COL14A1: variants seen among roughly 807,000 people sequenced by gnomAD.
The protein encoded by COL14A1 is collagen type XIV alpha 1 chain.
A neutral mutation model predicts 230.3 loss-of-function variants in COL14A1; 136 were observed. The ratio of observed to expected loss-of-function variants is 0.59; its 90% CI spans 0.51 to 0.68. COL14A1 has a LOEUF of 0.68. Ranked by LOEUF, COL14A1 falls within the 30% of genes least tolerant of loss-of-function variation. COL14A1 has a pLI of 0.00. For synonymous variants in COL14A1, 792 were observed against 784.1 expected (o/e 1.01, Z -0.17); for missense variants, 1,976 against 2,215.8 (o/e 0.89, Z 2.17).
chr8:120,293,840 T>A, intron 34 of COL14A1, among the ~76,000 whole-genome samples: 1 of 151,860 alleles, frequency 6.6e-6, no homozygotes, highest in East Asian at 1.9e-4. Flanking sequence ...ACCTTAAAAT[T>A]CTAATTAATA....
intron 2 of COL14A1, among the ~76,000 whole-genome samples, chr8:120,151,848 A>T (rs187384802): frequency 1.3e-5 from 2 of 152,164 alleles, no homozygotes; most frequent in Admixed American, 1.3e-4. Flanking sequence ...AACTGCAAAA[A>T]GTTTTAAATA....
In COL14A1 at chr8:120,289,618, T is replaced by C. The variant is rs201084747; in HGVS notation, c.4088T>C (p.Val1363Ala). ...FYGSFHKLHI[V>A]VSETLVKVVI... is the part of the protein sequence containing the mutation. Reference sequence around the variant, plus strand: ...CTTACTTTTACCTAGCTACACATTGTTGTCAGTGAGACTTTGGTCAAAGTG... The same window carrying C: ...CTTACTTTTACCTAGCTACACATTGCTGTCAGTGAGACTTTGGTCAAAGTG... The change falls in exon 34 of 48, where the codon GTT becomes GCT. Residue 1363 changes from valine (V) to alanine (A), a missense_variant. Transcript: ENST00000297848. The C allele has an allele frequency of 3.8e-5, 61 of 1,613,782 alleles. No homozygotes were observed. Among genetic ancestry groups the C allele is most frequent in the Non-Finnish European group, 4.0e-5 (47 of 1,179,908 alleles).
chr8:120,302,773 A>G (rs891550130), intron 36 of COL14A1, among the ~76,000 whole-genome samples: 1 of 152,138 alleles, frequency 6.6e-6, no homozygotes, highest in Non-Finnish European at 1.5e-5. Context: ...CTAGTTCTGT[A>G]AAGAATGTTA....
At chr8:120,242,327 T>C (rs1028629015) in intron 19 of COL14A1, among the ~76,000 whole-genome samples, 4 of 152,238 alleles carry the variant, frequency 2.6e-5, no homozygotes, top group Admixed American at 2.6e-4. Context: ...TCACAGCAAC[T>C]ATTCCTGGCA....
chr8:120,340,564 A>T (rs1344757673), intron 42 of COL14A1, among the ~76,000 whole-genome samples: 1 of 152,222 alleles, frequency 6.6e-6, no homozygotes, highest in Non-Finnish European at 1.5e-5. Context: ...TTCAATGAAC[A>T]TTGCCTCAGA....
At chr8:120,370,564 T>C in intron 47 of COL14A1, 2 of 1,460,498 alleles carry the variant, frequency 1.4e-6, no homozygotes, top group Non-Finnish European at 1.8e-6. Flanking sequence ...AGTGATAACA[T>C]CGGAACTTAA....
At chr8:120,201,856 C>T (rs945120989) in intron 8 of COL14A1, among the ~76,000 whole-genome samples, 1 of 152,152 alleles carries the variant, frequency 6.6e-6, no homozygotes, top group African/African-American at 2.4e-5. Context: ...ACCATTTCCT[C>T]TCTTTTCTGT....
intron 1 of COL14A1, among the ~76,000 whole-genome samples, chr8:120,141,391 A>T (rs945467711): frequency 7.2e-5 from 11 of 152,008 alleles, no homozygotes; most frequent in African/African-American, 1.2e-4. Context: ...AAAAATTTTT[A>T]AAAAATCAGC....
At chr8:120,247,872 T>G in intron 21 of COL14A1, 137 bp downstream of exon 21, 2 of 1,087,110 alleles carry the variant, frequency 1.8e-6, no homozygotes, top group Non-Finnish European at 2.6e-6. Flanking sequence ...TTACTTGTTT[T>G]GGAAAAATAA....
intron 25 of COL14A1, among the ~76,000 whole-genome samples, chr8:120,269,283 G>T (rs144278139): frequency 6.6e-6 from 1 of 151,794 alleles, no homozygotes; most frequent in Non-Finnish European, 1.5e-5. Context: ...AATAGCACAT[G>T]ATACCAAAAA....
intron 5 of COL14A1, among the ~76,000 whole-genome samples, chr8:120,185,343 C>G (rs1355228665): frequency 6.6e-6 from 1 of 152,032 alleles, no homozygotes; most frequent in Non-Finnish European, 1.5e-5. Flanking sequence ...ACATATTGGA[C>G]AAAACATTTA....
chr8:120,273,723 C>T (rs1199221577), intron 26 of COL14A1, among the ~76,000 whole-genome samples: 1 of 151,352 alleles, frequency 6.6e-6, no homozygotes, highest in Non-Finnish European at 1.5e-5. Context: ...AACAACAACC[C>T]CCCTAGATTA....
intron 36 of COL14A1, among the ~76,000 whole-genome samples, chr8:120,306,366 AG>A (rs1207529291): frequency 2.0e-5 from 3 of 152,214 alleles, no homozygotes; most frequent in African/African-American, 7.2e-5. Flanking sequence ...TGGAGGGGGA[AG>A]AAAGATGTAA....
chr8:120,166,261 A>G (rs1428289496), intron 4 of COL14A1, among the ~76,000 whole-genome samples: 2 of 152,188 alleles, frequency 1.3e-5, no homozygotes, highest in Non-Finnish European at 2.9e-5. Context: ...ACATTTAGGA[A>G]CTAGTGCTTT....
In COL14A1 at chr8:120,266,694, G is replaced by A. The variant is rs546294050; in HGVS notation, c.3017-133G>A. 2.0e-4 allele frequency: 151 copies of A among 738,100 alleles called. 1 individual carries two copies. The highest frequency in any genetic ancestry group is 9.8e-4 in the Middle Eastern group (4 of 4,074). The allele number at this position is 738,100 out of a possible 1,614,324, so 45.7% of individuals were successfully genotyped here. ...TTTCACAGGCTGCGGCTGATTTATA[G>A]TACTCATTAAATTCTCAGAGAAGAC... On this transcript the variant is annotated intron_variant, in intron 24 of 47. Coordinates refer to ENST00000297848, the MANE Select transcript of COL14A1 (RefSeq NM_021110.4).
At chr8:120,261,058 TAAC>T (rs1171275655) in intron 23 of COL14A1, among the ~76,000 whole-genome samples, 1 of 152,106 alleles carries the variant, frequency 6.6e-6, no homozygotes, top group Non-Finnish European at 1.5e-5. Context: ...AAATAATAGT[TAAC>T]AACAACTGTA....
chr8:120,358,653 A>T (rs573339437), intron 45 of COL14A1, among the ~76,000 whole-genome samples: 1 of 151,714 alleles, frequency 6.6e-6, no homozygotes, highest in East Asian at 1.9e-4. Context: ...GTTATACTAG[A>T]TAATAAAAGA....
intron 5 of COL14A1, among the ~76,000 whole-genome samples, chr8:120,193,654 G>A (rs554283528): frequency 6.6e-6 from 1 of 152,300 alleles, no homozygotes; most frequent in South Asian, 2.1e-4. Context: ...CCCCAGAGGT[G>A]GAGCCTACAG....
intron 33 of COL14A1, among the ~76,000 whole-genome samples, chr8:120,286,878 CACTT>C (rs1329098218): frequency 6.6e-6 from 1 of 152,208 alleles, no homozygotes; most frequent in Non-Finnish European, 1.5e-5. Context: ...TTCTCAGAAA[CACTT>C]ACCTGTGGTG....
Sources: allele counts gnomAD v4.1 joint callset (sites outside exome capture counted in the v4.1 genomes callset), GRCh38; gene constraint gnomAD v4.1.1; transcripts MANE v1.5; gene names NCBI Gene and HGNC (gene_info 2026-07-23, HGNC 2026-07-21).